Variants in ZNF451 observed in about 807,000 individuals in gnomAD.
The protein encoded by ZNF451 is zinc finger protein 451.
Under a neutral mutation model 107.1 loss-of-function variants are expected in ZNF451, and 80 were observed. The ratio of observed to expected loss-of-function variants is 0.75; its 90% CI spans 0.62 to 0.90. The LOEUF (loss-of-function observed/expected upper bound fraction) is 0.90. Among genes scored for constraint, ZNF451 ranks in the 40% least tolerant of loss-of-function variants. The probability of loss-of-function intolerance (pLI) is 0.00; values close to 1 mark genes in which losing one functional copy is unlikely to be tolerated. For synonymous variants in ZNF451, 362 were observed against 406.5 expected (o/e 0.89, Z 1.32); for missense variants, 1,107 against 1,236.2 (o/e 0.90, Z 1.57).
At chr6:57,095,626 C>T (rs1015562501) in intron 2 of ZNF451, among the ~76,000 whole-genome samples, 2 of 152,020 alleles carry the variant, frequency 1.3e-5, no homozygotes, top group African/African-American at 4.8e-5. Context: ...ATCTACCACG[C>T]TCGTCTGGAT....
At chr6:57,095,948 T>G (rs1033342610) in intron 2 of ZNF451, among the ~76,000 whole-genome samples, 1 of 151,750 alleles carries the variant, frequency 6.6e-6, no homozygotes, top group Non-Finnish European at 1.5e-5. Context: ...TTCGGCCTCC[T>G]GAGTAGCTGG....
At chr6:57,102,249 TTGAAA>T in intron 3 of ZNF451, 2 of 1,377,166 alleles carry the variant, frequency 1.5e-6, no homozygotes, top group East Asian at 2.7e-5. Context: ...TTCTAGACTT[TTGAAA>T]TGAAGTATAT....
At chr6:57,143,673 C>G (rs982749713) in intron 9 of ZNF451, among the ~76,000 whole-genome samples, 2 of 152,108 alleles carry the variant, frequency 1.3e-5, no homozygotes, top group African/African-American at 2.4e-5. Context: ...CATAGAGTTA[C>G]CATATGATCC....
At chr6:57,098,950 C>A in intron 2 of ZNF451, 111 bp from the exon 3 acceptor site, 1 of 679,804 alleles carries the variant, frequency 1.5e-6, no homozygotes, top group South Asian at 2.0e-5. Flanking sequence ...ACAAAGCTCC[C>A]TCTTCAGAGT....
chr6:57,157,646 CT>C, intron 13 of ZNF451, among the ~76,000 whole-genome samples: 1 of 152,266 alleles, frequency 6.6e-6, no homozygotes, highest in East Asian at 1.9e-4. Flanking sequence ...CTGCCCCCAC[CT>C]TGGTCTTCTT....
intron 3 of ZNF451, chr6:57,099,731 T>G (rs1362186363): frequency 4.1e-6 from 2 of 482,536 alleles, no homozygotes; most frequent in Non-Finnish European, 7.4e-6. Context: ...ATTGAACTAG[T>G]TGAGCCCTTT....
intron 2 of ZNF451, among the ~76,000 whole-genome samples, chr6:57,097,160 AT>A (rs1259664376): frequency 2.6e-5 from 4 of 151,932 alleles, no homozygotes; most frequent in Non-Finnish European, 5.9e-5. Context: ...TGTTTCTTTA[AT>A]TTTTACTTCC....
At chr6:57,162,348 G>C (rs998002372) in intron 14 of ZNF451, among the ~76,000 whole-genome samples, 8 of 152,162 alleles carry the variant, frequency 5.3e-5, no homozygotes, top group African/African-American at 1.7e-4. Flanking sequence ...TTAGGAGTTT[G>C]GGAAATGGAG....
chr6:57,144,155 A>T (rs1203543237), intron 9 of ZNF451, among the ~76,000 whole-genome samples: 1 of 151,972 alleles, frequency 6.6e-6, no homozygotes, highest in African/African-American at 2.4e-5. Context: ...ATGGTTGCAC[A>T]TATCTTTATG....
At position 57,147,295 on chromosome 6, in the gene ZNF451, A is replaced by G; in HGVS notation, c.1210A>G (p.Ser404Gly). Residue 404 changes from serine to glycine, a missense_variant, in exon 10 of 15, where the codon AGC becomes GGC. By Grantham distance (56) the Ser-to-Gly change is moderately conservative (BLOSUM62 0). Around this residue, in one of 5 missense-constraint regions of ZNF451, gnomAD observed 608 missense variants for 649.2 expected, o/e 0.94. Coordinates refer to ENST00000370706, the MANE Select transcript of ZNF451 (RefSeq NM_001031623.3). ...AGAATCAGTCTTACTCTATTGCCAC[A>G]GCAGCGAAGGGAACAAGGATCCTTC... ...VEESVLLYCHSSEGNKDPSSD... is the reference protein window; with the variant it reads ...VEESVLLYCHGSEGNKDPSSD... 2 of 1,614,190 alleles carry G rather than the reference A, an allele frequency of 1.2e-6. No homozygotes were observed. Among genetic ancestry groups the G allele is most frequent in the Non-Finnish European group, 1.7e-6 (2 of 1,179,996 alleles).
chr6:57,147,276 A>T lies in ZNF451; in HGVS notation c.1191A>T (p.Ser397=), dbSNP rs1039686985. 62 of 1,614,050 alleles carry T rather than the reference A, an allele frequency of 3.8e-5. No homozygotes were observed. Among genetic ancestry groups the T allele is most frequent in the Non-Finnish European group, 5.1e-5 (60 of 1,180,006 alleles). ...KVRVINSVEE[S]VLLYCHSSEG... ...GAGTCATTAACTCAGTGGAAGAATC[A>T]GTCTTACTCTATTGCCACAGCAGCG... The change falls in exon 10 of 15, where the codon TCA becomes TCT. Residue 397 remains serine, a synonymous_variant. Coordinates refer to ENST00000370706, the MANE Select transcript of ZNF451 (RefSeq NM_001031623.3).
chr6:57,105,532 G>C (rs1829812357), intron 3 of ZNF451: 1 of 985,222 alleles, frequency 1.0e-6, no homozygotes, highest in African/African-American at 1.7e-5. Flanking sequence ...ACTCCCTTCT[G>C]AATGTTAATT....
intron 9 of ZNF451, among the ~76,000 whole-genome samples, chr6:57,142,600 T>C (rs924548522): frequency 5.3e-5 from 8 of 152,178 alleles, no homozygotes; most frequent in African/African-American, 1.9e-4. Context: ...CATTCCCTTG[T>C]TGATAGATAG....
intron 12 of ZNF451, among the ~76,000 whole-genome samples, chr6:57,152,652 G>A (rs1832403924): frequency 6.6e-6 from 1 of 152,160 alleles, no homozygotes. Context: ...GGAGTGCAGT[G>A]GCGCAGTCTC....
At chr6:57,136,332 C>CT (rs374390474) in intron 7 of ZNF451, among the ~76,000 whole-genome samples, 22 of 151,820 alleles carry the variant, frequency 1.4e-4, no homozygotes, top group Non-Finnish European at 2.4e-4. Flanking sequence ...CAATTCCTTC[C>CT]TTTTTTTTAG....
rs1186279892 is a variant in ZNF451, at chr6:57,153,975, A to G, written c.2998A>G (p.Ile1000Val). ...QFKKTQRPAH[I>V]LNPHHLEGDM... is the part of the protein sequence containing the mutation. The stretch of plus-strand genomic sequence containing the variant: ...TAAGAAGACTCAGAGGCCAGCTCAT[A>G]TACTAAACCCTCACCACTTAGAGGG... Residue 1000 changes from isoleucine (I) to valine (V), a missense_variant, in exon 13 of 15, where the codon ATA becomes GTA. Physicochemically the swap from Ile to Val is conservative, Grantham distance 29 (BLOSUM62 3). Coordinates refer to ENST00000370706, the MANE Select transcript of ZNF451 (RefSeq NM_001031623.3). The G allele has an allele frequency of 1.2e-6, 2 of 1,614,204 alleles. No homozygotes were observed. Among genetic ancestry groups the G allele is most frequent in the Non-Finnish European group, 1.7e-6 (2 of 1,180,032 alleles).
rs567327113 is a variant in ZNF451 at position 57,142,211 on chromosome 6, G to T, written c.1004+116G>T. ...CCTTTTAAAATGAGAATATACAGTTGCCTGGAAATTAGCCAAATTTAACAT... is the reference window on the plus strand; with the variant it reads ...CCTTTTAAAATGAGAATATACAGTTTCCTGGAAATTAGCCAAATTTAACAT... On this transcript the variant is annotated intron_variant, in intron 9 of 14. Transcript: ENST00000370706. 1.5e-4 allele frequency: 187 copies of T among 1,287,930 alleles called. No individual in the cohort carries two copies. The African/African-American group carries it at 2.5e-3, about 17-fold the overall frequency. The allele number at this position is 1,287,930 out of a possible 1,614,324, so 79.8% of individuals were successfully genotyped here. A position where few individuals can be genotyped will look rare whatever the true frequency, so the allele number is the denominator to read the frequency against.
chr6:57,132,741 C>T (rs372354440), intron 5 of ZNF451, among the ~76,000 whole-genome samples: 6 of 151,674 alleles, frequency 4.0e-5, no homozygotes, highest in Admixed American at 2.6e-4. Context: ...GGCATGGTGG[C>T]GTGCTCCTGT....
intron 13 of ZNF451, among the ~76,000 whole-genome samples, chr6:57,155,818 C>CTT (rs528621372): frequency 1.5e-4 from 16 of 107,282 alleles, no homozygotes; most frequent in African/African-American, 3.7e-4. Context: ...TCTAGGTATT[C>CTT]TTTTTTTTTT....
Sources: allele counts gnomAD v4.1 joint callset (sites outside exome capture counted in the v4.1 genomes callset), GRCh38; gene constraint gnomAD v4.1.1; regional missense constraint gnomAD v4.1.1; transcripts MANE v1.5; gene names NCBI Gene and HGNC (gene_info 2026-07-23, HGNC 2026-07-21).